Variants in UGGT2 observed in about 807,000 individuals in gnomAD.
UGGT2 encodes the protein UDP-glucose glycoprotein glucosyltransferase 2.
A neutral mutation model predicts 192.1 loss-of-function variants in UGGT2; 180 were observed. The observed-to-expected ratio is 0.94, with a 90% CI of 0.83 to 1.06. The LOEUF is 1.06. Among genes scored for constraint, UGGT2 ranks in the 50% least tolerant of loss-of-function variants. The pLI is 0.00. For missense variants in UGGT2, 1,849 were observed against 1,795.7 expected (o/e 1.03, Z -0.54); for synonymous variants, 580 against 591.0 (o/e 0.98, Z 0.27).
chr13:95,810,182 C>T lies in UGGT2; in HGVS notation c.4529-8370G>A, dbSNP rs868733644. Reference sequence around the variant, plus strand: ...CTTCTCTGCTTCTTGGGAGCACTTCCGGCATCACCAGTGATAATCCATGAC... The same window carrying T: ...CTTCTCTGCTTCTTGGGAGCACTTCTGGCATCACCAGTGATAATCCATGAC... On this transcript the variant is annotated intron_variant, in intron 38 of 38. Coordinates refer to ENST00000376747, the MANE Select transcript of UGGT2 (RefSeq NM_020121.4). 1.6e-4 allele frequency among the ~76,000 whole-genome samples: 24 copies of T among 152,218 alleles called. No individual in the cohort carries two copies. The South Asian group carries it at 2.3e-3, about 14-fold the overall frequency.
At position 96,052,701 on chromosome 13, in the gene UGGT2, T is replaced by C. The variant is rs149006187; in HGVS notation, c.158+454A>G. Among the ~76,000 whole-genome samples the C allele has an allele frequency of 1.9e-3, 288 of 152,316 alleles. 1 individual carries two copies. The highest frequency in any genetic ancestry group is 6.7e-3 in the African/African-American group (278 of 41,576). On this transcript the variant is annotated intron_variant, in intron 1 of 38. Coordinates refer to ENST00000376747, the MANE Select transcript of UGGT2 (RefSeq NM_020121.4). ...GCAGAGTAAATGACAGGTCATGAAC[T>C]AATTCCGTTGGAAGAGATACAGGAA...
intron 4 of UGGT2, among the ~76,000 whole-genome samples, chr13:96,015,957 T>A (rs1277765323): frequency 6.6e-6 from 1 of 152,222 alleles, no homozygotes; most frequent in Non-Finnish European, 1.5e-5. Context: ...TTTTGGGAAC[T>A]GGAGTAAAGG....
At chr13:95,810,992 G>A (rs757878234) in intron 38 of UGGT2, among the ~76,000 whole-genome samples, 17 of 152,130 alleles carry the variant, frequency 1.1e-4, no homozygotes, top group Non-Finnish European at 2.5e-4. Context: ...CTGCCAATAA[G>A]CACACAATAA....
chr13:95,969,295 C>G (rs551043055), intron 12 of UGGT2, among the ~76,000 whole-genome samples: 21 of 152,306 alleles, frequency 1.4e-4, no homozygotes, highest in African/African-American at 5.1e-4. Context: ...TTACTCTGGA[C>G]TTCACCCCTG....
In UGGT2 at chr13:95,939,477, T is replaced by C. The variant is rs2049586854; in HGVS notation, c.1812+480A>G. On this transcript the variant is annotated intron_variant, in intron 16 of 38. Transcript: ENST00000376747. ...CTGAAAATTTCTTTGAGTTGTTGCC[T>C]TTTTTTTTTTTTTTTTTGGCTCTTT... is the stretch of plus-strand genomic sequence containing the variant. Among the ~76,000 whole-genome samples the C allele has an allele frequency of 4.8e-4, 15 of 31,494 alleles. No homozygotes were observed. The South Asian group carries it at 0.015, about 32-fold the overall frequency. 20.7% of individuals were successfully genotyped at this position (31,494 alleles called of 152,430 possible).
intron 1 of UGGT2, among the ~76,000 whole-genome samples, chr13:96,050,456 C>A (rs1015490823): frequency 6.6e-6 from 1 of 152,142 alleles, no homozygotes; most frequent in Admixed American, 6.5e-5. Context: ...AAAGCAATGG[C>A]AACAAAAGCC....
intron 2 of UGGT2, among the ~76,000 whole-genome samples, chr13:96,030,353 T>C (rs1437757902): frequency 6.6e-6 from 1 of 152,252 alleles, no homozygotes; most frequent in African/African-American, 2.4e-5. Flanking sequence ...CCTGTGGATG[T>C]AGATCCCATT....
intron 16 of UGGT2, 76 bp downstream of exon 16, chr13:95,939,881 C>T: frequency 8.1e-7 from 1 of 1,234,420 alleles, no homozygotes; most frequent in South Asian, 1.5e-5. Context: ...TTTAAAGATT[C>T]TACATGAGTA....
chr13:95,933,893 C>T (rs540303660), intron 17 of UGGT2, among the ~76,000 whole-genome samples: 10 of 152,132 alleles, frequency 6.6e-5, no homozygotes, highest in Non-Finnish European at 1.2e-4. Context: ...ACTGTGTTAG[C>T]CAGGATGGTC....
chr13:96,029,156 A>G (rs1192871254), intron 2 of UGGT2, among the ~76,000 whole-genome samples: 1 of 152,204 alleles, frequency 6.6e-6, no homozygotes, highest in African/African-American at 2.4e-5. Context: ...GTCTCAAAAA[A>G]AAATCTCTGC....
chr13:95,974,507 T>C (rs1337327388), intron 10 of UGGT2, among the ~76,000 whole-genome samples: 1 of 152,178 alleles, frequency 6.6e-6, no homozygotes, highest in East Asian at 1.9e-4. Flanking sequence ...CCTTGAACAA[T>C]AATGCTCAGA....
At chr13:95,923,875 C>G (rs1400612426) in intron 20 of UGGT2, among the ~76,000 whole-genome samples, 2 of 152,122 alleles carry the variant, frequency 1.3e-5, no homozygotes, top group Non-Finnish European at 2.9e-5. Context: ...TGGGTGATTA[C>G]TTTTTCTTCC....
intron 15 of UGGT2, among the ~76,000 whole-genome samples, chr13:95,945,068 TTC>T (rs1346268053): frequency 1.3e-5 from 2 of 152,020 alleles, no homozygotes; most frequent in East Asian, 1.9e-4. Context: ...GTGTATAACT[TTC>T]TGTCTTTTTA....
rs142207449 is a variant in UGGT2 at position 96,012,369 on chromosome 13, G to A, written c.660+938C>T. ...TCCTTATAACAGCATAAAGGAAATC[G>A]TTCAGGTAAAGTTGAGTAAATCTGA... is the stretch of plus-strand genomic sequence containing the variant. On this transcript the variant is annotated intron_variant, in intron 5 of 38. Coordinates refer to ENST00000376747, the MANE Select transcript of UGGT2 (RefSeq NM_020121.4). Among the ~76,000 whole-genome samples, 6 of 151,972 alleles carry A rather than the reference G, an allele frequency of 3.9e-5. No individual in the cohort carries two copies. The East Asian group carries it at 5.8e-4, about 15-fold the overall frequency.
At chr13:95,814,547 C>T (rs1342471917) in intron 38 of UGGT2, among the ~76,000 whole-genome samples, 1 of 152,124 alleles carries the variant, frequency 6.6e-6, no homozygotes, top group Admixed American at 6.6e-5. Flanking sequence ...AAATAACTAA[C>T]TTGTTTTTTA....
At chr13:95,918,100 A>G (rs548478523) in intron 20 of UGGT2, among the ~76,000 whole-genome samples, 2 of 152,368 alleles carry the variant, frequency 1.3e-5, no homozygotes, top group South Asian at 2.1e-4. Context: ...TCTCATTGCC[A>G]CATGGCACTT....
chr13:95,913,345 A>C (rs2048566984), intron 20 of UGGT2, among the ~76,000 whole-genome samples: 1 of 152,232 alleles, frequency 6.6e-6, no homozygotes, highest in Non-Finnish European at 1.5e-5. Flanking sequence ...CCCATCTGAC[A>C]AAGGGCTAAT....
At chr13:95,932,726 T>C (rs1366895377) in intron 17 of UGGT2, among the ~76,000 whole-genome samples, 1 of 152,190 alleles carries the variant, frequency 6.6e-6, no homozygotes, top group Non-Finnish European at 1.5e-5. Flanking sequence ...GGTTGTGGGT[T>C]TGTCATAGAT....
chr13:95,898,466 T>A lies in UGGT2; in HGVS notation c.2634+2341A>T, dbSNP rs147549367. ...CTCACGTCCTTTGCATTCACTGTAC[T>A]CTGTCTAGAACAATCCTCTTCCAGA... On this transcript the variant is annotated intron_variant, in intron 22 of 38. Transcript: ENST00000376747. 5.8e-4 allele frequency among the ~76,000 whole-genome samples: 88 copies of A among 152,250 alleles called. 1 individual carries two copies. In the East Asian group the frequency reaches 0.017, roughly 29 times the overall value.
Sources: allele counts gnomAD v4.1 joint callset (sites outside exome capture counted in the v4.1 genomes callset), GRCh38; gene constraint gnomAD v4.1.1; transcripts MANE v1.5; gene names NCBI Gene and HGNC (gene_info 2026-07-23, HGNC 2026-07-21).